The following SV2B variants were observed in gnomAD, a reference collection of about 807,000 sequenced individuals.
The protein encoded by SV2B is solute carrier family 22 member B2.
SV2B carries 41 observed loss-of-function variants against 73.9 expected under a neutral mutation model. The ratio of observed to expected loss-of-function variants is 0.56; its 90% CI spans 0.43 to 0.72. SV2B has a LOEUF of 0.72. Ranked by LOEUF, SV2B falls within the 30% of genes least tolerant of loss-of-function variation. SV2B has a pLI of 0.00. For missense variants in SV2B, 764 were observed against 857.8 expected, an observed-to-expected ratio of 0.89 and a Z score of 1.37; for synonymous variants, 314 against 314.2, an observed-to-expected ratio of 1.00 and a Z score of 0.01.
intron 1 of SV2B, among the ~76,000 whole-genome samples, chr15:91,217,431 G>A (rs1309556470): frequency 6.6e-6 from 1 of 152,108 alleles, no homozygotes; most frequent in Admixed American, 6.5e-5. Flanking sequence ...GGGGGGAGGG[G>A]GAAGGGATAG....
At chr15:91,221,693 G>GCGCACGCGCACACACA (rs370290337) in intron 1 of SV2B, among the ~76,000 whole-genome samples, 5 of 140,068 alleles carry the variant, frequency 3.6e-5, no homozygotes, top group Admixed American at 1.4e-4. Flanking sequence ...AAGCATGTGC[G>GCGCACGCGCACACACA]CACACACACA....
In SV2B at chr15:91,232,972, C is replaced by G. The variant is rs926281003; in HGVS notation, c.451+6258C>G. Reference sequence around the variant, plus strand: ...AACATGCAGTGTTTAGTTTTCTACTCCTGCATTAATTTGCTTAGAATTATG... The same window carrying G: ...AACATGCAGTGTTTAGTTTTCTACTGCTGCATTAATTTGCTTAGAATTATG... On this transcript the variant is annotated intron_variant, in intron 2 of 12. Coordinates refer to ENST00000394232, the MANE Select transcript of SV2B (RefSeq NM_001323032.3). The surrounding 1 kb of genome is among the most constrained non-coding windows in gnomAD (Gnocchi z 4.7). Among the ~76,000 whole-genome samples, 2 of 152,174 alleles carry G rather than the reference C, an allele frequency of 1.3e-5. No homozygotes were observed. The highest frequency in any genetic ancestry group is 2.9e-5 in the Non-Finnish European group (2 of 68,020).
rs373874220 is a variant in SV2B at position 91,294,212 on chromosome 15, T to A, written c.*1660T>A. The A allele has an allele frequency of 5.2e-4, 79 of 152,350 alleles. No individual in the cohort carries two copies. Among genetic ancestry groups the A allele is most frequent in the African/African-American group, 1.8e-3 (73 of 41,584 alleles). 9.4% of individuals were successfully genotyped at this position (152,350 alleles called of 1,614,324 possible). A position where few individuals can be genotyped will look rare whatever the true frequency, so the allele number is the denominator to read the frequency against. On this transcript the variant is annotated 3_prime_UTR_variant, in exon 13 of 13. Coordinates refer to ENST00000394232, the MANE Select transcript of SV2B (RefSeq NM_001323032.3). This position sits in a 1 kb window ranked among gnomAD's most constrained non-coding sequence, Gnocchi z 4.1. ...GGCTATATCGAGTGTTTTCTCAGTA[T>A]TGGAGAAATGCTTAGGTCCTATGAT...
rs574583639 is a variant in SV2B, at chr15:91,113,246, G to C, written c.-392+12883G>C. Reference sequence around the variant, plus strand: ...ACATCTCCAGGCTTCCTTTGCAAGTGGGCGTGGCCACGTAACAGTTTTGTT... The same window carrying C: ...ACATCTCCAGGCTTCCTTTGCAAGTCGGCGTGGCCACGTAACAGTTTTGTT... On this transcript the variant is annotated intron_variant, in intron 1 of 12. Transcript: ENST00000394232. 1.3e-3 allele frequency among the ~76,000 whole-genome samples: 198 copies of C among 152,302 alleles called. 4 individuals are homozygous for C. The South Asian group carries it at 0.038, about 29-fold the overall frequency.
intron 1 of SV2B, among the ~76,000 whole-genome samples, chr15:91,117,787 T>C (rs2042222676): frequency 6.6e-6 from 1 of 152,146 alleles, no homozygotes; most frequent in Non-Finnish European, 1.5e-5. Flanking sequence ...CAAAGTGACA[T>C]GGCAAGAATG....
In SV2B at chr15:91,253,588, G is replaced by T. The variant is rs1455782977; in HGVS notation, c.784+1068G>T. The stretch of plus-strand genomic sequence containing the variant: ...TTCTCCCTTATGTGAGGTCCGGCTG[G>T]CATTTCTAATCTGCAGGTGGCTCCG... On this transcript the variant is annotated intron_variant, in intron 4 of 12. Transcript: ENST00000394232. The surrounding 1 kb of genome is among the most constrained non-coding windows in gnomAD (Gnocchi z 5.0). 6.6e-6 allele frequency among the ~76,000 whole-genome samples: 1 copy of T among 152,224 alleles called. No homozygotes were observed. Among genetic ancestry groups the T allele is most frequent in the Non-Finnish European group, 1.5e-5 (1 of 68,046 alleles).
At chr15:91,192,876 T>C (rs2045094642) in intron 1 of SV2B, among the ~76,000 whole-genome samples, 2 of 152,238 alleles carry the variant, frequency 1.3e-5, no homozygotes, top group Admixed American at 1.3e-4. Context: ...AGGCACCTGC[T>C]GTGCAGGCTC....
chr15:91,135,810 CA>C (rs1353295897), intron 1 of SV2B, among the ~76,000 whole-genome samples: 2 of 152,154 alleles, frequency 1.3e-5, no homozygotes, highest in Non-Finnish European at 2.9e-5. Flanking sequence ...GATGGGTTTG[CA>C]GTGATTATTT....
At chr15:91,158,861 G>C (rs1316197605) in intron 1 of SV2B, among the ~76,000 whole-genome samples, 1 of 151,262 alleles carries the variant, frequency 6.6e-6, no homozygotes, top group Non-Finnish European at 1.5e-5. Flanking sequence ...TCTAGGCTGT[G>C]TATCGTTGGA....
chr15:91,160,954 A>G (rs1250232838), intron 1 of SV2B, among the ~76,000 whole-genome samples: 1 of 152,236 alleles, frequency 6.6e-6, no homozygotes, highest in Non-Finnish European at 1.5e-5. Flanking sequence ...TGGCTTATCC[A>G]TACAGTGAAA....
chr15:91,172,239 T>A (rs1377572125), intron 1 of SV2B, among the ~76,000 whole-genome samples: 1 of 152,206 alleles, frequency 6.6e-6, no homozygotes, highest in African/African-American at 2.4e-5. Flanking sequence ...GTCCCACAGC[T>A]TTCCCTGCCT....
rs1038278118 is a variant in SV2B, at chr15:91,269,872, C to T, written c.1373+1267C>T. Among the ~76,000 whole-genome samples, 4 of 152,184 alleles carry T rather than the reference C, an allele frequency of 2.6e-5. No homozygotes were observed. In the East Asian group the frequency reaches 5.8e-4, roughly 22 times the overall value. On this transcript the variant is annotated intron_variant, in intron 9 of 12. Transcript: ENST00000394232. The stretch of plus-strand genomic sequence containing the variant: ...TGCTGAAGCCCAGTTGCAGACATCT[C>T]CATACTCATATACCCATGCATCTAT...
chr15:91,180,778 C>G (rs1228480713), intron 1 of SV2B, among the ~76,000 whole-genome samples: 10 of 152,176 alleles, frequency 6.6e-5, no homozygotes, highest in African/African-American at 2.4e-4. Flanking sequence ...ATTGGTGATT[C>G]TAGTTATACA....
At chr15:91,147,109 T>G (rs2043168985) in intron 1 of SV2B, among the ~76,000 whole-genome samples, 1 of 152,244 alleles carries the variant, frequency 6.6e-6, no homozygotes, top group African/African-American at 2.4e-5. Flanking sequence ...GGAACTCATA[T>G]TTATTGAAAG....
chr15:91,195,540 G>C (rs1386142891), intron 1 of SV2B, among the ~76,000 whole-genome samples: 1 of 152,152 alleles, frequency 6.6e-6, no homozygotes, highest in Non-Finnish European at 1.5e-5. Context: ...CAACTTCCTA[G>C]GGTTGTTGCG....
chr15:91,168,807 A>T (rs1291890750), intron 1 of SV2B, among the ~76,000 whole-genome samples: 1 of 152,216 alleles, frequency 6.6e-6, no homozygotes, highest in East Asian at 1.9e-4. Flanking sequence ...TTTTAGTTCT[A>T]ATCAGTGGGA....
chr15:91,206,140 C>T (rs2141403673), intron 1 of SV2B, among the ~76,000 whole-genome samples: 1 of 151,268 alleles, frequency 6.6e-6, no homozygotes, highest in East Asian at 1.9e-4. Context: ...TGGGCTCAAG[C>T]AATCCTCCTG....
In SV2B at chr15:91,281,671, G is replaced by C. The variant is rs2048685800; in HGVS notation, c.1374-57G>C. 13 of 1,512,684 alleles carry C rather than the reference G, an allele frequency of 8.6e-6. No individual in the cohort carries two copies. The highest frequency in any genetic ancestry group is 1.1e-5 in the Non-Finnish European group (12 of 1,123,294). 93.7% of individuals were successfully genotyped at this position (1,512,684 alleles called of 1,614,324 possible). A position where few individuals can be genotyped will look rare whatever the true frequency, so the allele number is the denominator to read the frequency against. The stretch of plus-strand genomic sequence containing the variant: ...CTGCCTTGCTGTGTTTTCCATTTTG[G>C]TCTTAAGTCTCTTTTTTTCTCAGAT... On this transcript the variant is annotated intron_variant, in intron 9 of 12. Transcript: ENST00000394232. This position sits in a 1 kb window ranked among gnomAD's most constrained non-coding sequence, Gnocchi z 4.7.
intron 1 of SV2B, among the ~76,000 whole-genome samples, chr15:91,157,480 T>C (rs1405645626): frequency 1.3e-5 from 2 of 152,170 alleles, no homozygotes; most frequent in African/African-American, 4.8e-5. Flanking sequence ...AGAGTAACAA[T>C]CTTAAAACAT....
Sources: gnomAD v4.1 joint callset for allele counts (sites outside exome capture counted in the v4.1 genomes callset) on GRCh38, gnomAD v4.1.1 for gene constraint, Gnocchi (gnomAD v3.1) non-coding constraint, MANE v1.5 for transcripts, NCBI Gene and HGNC (gene_info 2026-07-23, HGNC 2026-07-21) for gene names.